Variants in ACTR1B observed in about 807,000 individuals in gnomAD.
ACTR1B encodes the protein beta-centractin.
ACTR1B carries 34 observed loss-of-function variants against 49.4 expected under a neutral mutation model. That is an observed-to-expected ratio of 0.69 (90% CI 0.52 to 0.92). The LOEUF is 0.92. Ranked by LOEUF, ACTR1B falls within the 40% of genes least tolerant of loss-of-function variation. ACTR1B has a pLI of 0.00. For synonymous variants in ACTR1B, 207 were observed against 207.8 expected (o/e 1.00, Z 0.03); for missense variants, 471 against 522.4 (o/e 0.90, Z 0.96).
At chr2:97,662,086 C>T in intron 1 of ACTR1B, 140 bp from the exon 2 acceptor site, 1 of 815,752 alleles carries the variant, frequency 1.2e-6, no homozygotes, top group Non-Finnish European at 2.0e-6. Context: ...TACAAGTACA[C>T]CTATGGTTCA....
In ACTR1B at chr2:97,658,595, C is replaced by T. The variant is rs1573181640; in HGVS notation, c.489G>A (p.Gly163=). Residue 163 remains glycine, a synonymous_variant, in exon 6 of 11, where the codon GGG becomes GGA. Transcript: ENST00000289228. This position sits in a 1 kb window ranked among gnomAD's most constrained non-coding sequence, Gnocchi z 5.9. The part of the protein sequence containing the change: ...TTGVVLDSGD[G]VTHAVPIYEG... ...CATAGATGGGCACAGCATGAGTGAC[C>T]CCGTCCCCTGAGTCTAGAACCACTC... 1 of 1,614,024 alleles carries T rather than the reference C, an allele frequency of 6.2e-7. No homozygotes were observed. Among genetic ancestry groups the T allele is most frequent in the South Asian group, 1.1e-5 (1 of 91,078 alleles).
rs186471014 is a variant in ACTR1B, at chr2:97,657,412, G to A, written c.987+36C>T. ...TCCTCCCCATGCCAAGGCTGCCAGCGCCCTAGTGCCCCAGGGGGAGTTTCT... is the reference window on the plus strand; with the variant it reads ...TCCTCCCCATGCCAAGGCTGCCAGCACCCTAGTGCCCCAGGGGGAGTTTCT... On this transcript the variant is annotated intron_variant, in intron 9 of 10. Transcript: ENST00000289228. 638 of 1,608,348 alleles carry A rather than the reference G, an allele frequency of 4.0e-4. 2 individuals are homozygous for A. The African/African-American group carries it at 7.5e-3, about 19-fold the overall frequency.
Position 97,659,209 on chromosome 2 carries a change from T to C in ACTR1B, c.315+143A>G. 1 of 1,396,026 alleles carries C rather than the reference T, an allele frequency of 7.2e-7. No individual in the cohort carries two copies. Among genetic ancestry groups the C allele is most frequent in the Non-Finnish European group, 9.8e-7 (1 of 1,016,708 alleles). The allele number at this position is 1,396,026 out of a possible 1,614,324, so 86.5% of individuals were successfully genotyped here. The stretch of plus-strand genomic sequence containing the variant: ...TTCTGCCTAGCAGCCACTGGGTACG[T>C]ATGCGCACCCAGACACACACGGAAA... On this transcript the variant is annotated intron_variant, in intron 4 of 10. Coordinates refer to ENST00000289228, the MANE Select transcript of ACTR1B (RefSeq NM_005735.4). The surrounding 1 kb of genome is among the most constrained non-coding windows in gnomAD (Gnocchi z 4.0).
In ACTR1B at chr2:97,656,470, T is replaced by A; in HGVS notation, c.*388A>T. 3.8e-6 allele frequency: 1 copy of A among 261,220 alleles called. No individual in the cohort carries two copies. The highest frequency in any genetic ancestry group is 7.6e-6 in the Non-Finnish European group (1 of 131,798). 16.2% of individuals were successfully genotyped at this position (261,220 alleles called of 1,614,324 possible). ...GCAGTGACACACCAGTGGGAGCTGC[T>A]GGCTGCCCCTTGCAGCCCACTCCCC... is the stretch of plus-strand genomic sequence containing the variant. On this transcript the variant is annotated 3_prime_UTR_variant, in exon 11 of 11. Transcript: ENST00000289228.
At position 97,658,845 on chromosome 2, in the gene ACTR1B, G is replaced by A; in HGVS notation, c.440+34C>T. The A allele has an allele frequency of 6.2e-7, 1 of 1,613,714 alleles. No individual in the cohort carries two copies. The highest frequency in any genetic ancestry group is 8.5e-7 in the Non-Finnish European group (1 of 1,179,900). On this transcript the variant is annotated intron_variant, in intron 5 of 10. Transcript: ENST00000289228. The surrounding 1 kb of genome is among the most constrained non-coding windows in gnomAD (Gnocchi z 5.9). Reference sequence around the variant, plus strand: ...CAAGCAGGACGGCACAGGGAGGACAGGACTCAGGGAGGCCAGGCTTAGGGA... The same window carrying A: ...CAAGCAGGACGGCACAGGGAGGACAAGACTCAGGGAGGCCAGGCTTAGGGA...
chr2:97,660,225 C>T (rs1005623925), intron 3 of ACTR1B, among the ~76,000 whole-genome samples: 1 of 152,252 alleles, frequency 6.6e-6, no homozygotes, highest in African/African-American at 2.4e-5. Flanking sequence ...GGCCATGCAG[C>T]CCCTTGGTGG....
Position 97,656,157 on chromosome 2 carries a change from C to G in ACTR1B, c.*701G>C, listed in dbSNP as rs1674830654. On this transcript the variant is annotated 3_prime_UTR_variant, in exon 11 of 11. Transcript: ENST00000289228. Reference sequence around the variant, plus strand: ...TCTGACTCCTTATTAAGTGGCTTCCCCTCAATAAATGATGAGCATCAACCC... The same window carrying G: ...TCTGACTCCTTATTAAGTGGCTTCCGCTCAATAAATGATGAGCATCAACCC... 6.6e-6 allele frequency: 1 copy of G among 152,282 alleles called. No homozygotes were observed. The highest frequency in any genetic ancestry group is 2.4e-5 in the African/African-American group (1 of 41,456). The allele number at this position is 152,282 out of a possible 1,614,324, so 9.4% of individuals were successfully genotyped here. A position where few individuals can be genotyped will look rare whatever the true frequency, so the allele number is the denominator to read the frequency against.
In ACTR1B at chr2:97,664,030, C is replaced by A. The variant is rs1675115072; in HGVS notation, c.-140G>T. 5.2e-6 allele frequency: 2 copies of A among 384,602 alleles called. No individual in the cohort carries two copies. Among genetic ancestry groups the A allele is most frequent in the East Asian group, 1.0e-4 (2 of 19,166 alleles). The allele number at this position is 384,602 out of a possible 1,614,324, so 23.8% of individuals were successfully genotyped here. A position where few individuals can be genotyped will look rare whatever the true frequency, so the allele number is the denominator to read the frequency against. On this transcript the variant is annotated 5_prime_UTR_variant, in exon 1 of 11. Transcript: ENST00000289228. ...CCCCGAGCCTGCAGCCTACGCGAGCCCCGCGGGGCTTTCTGGAGGGCGGGC... is the reference window on the plus strand; with the variant it reads ...CCCCGAGCCTGCAGCCTACGCGAGCACCGCGGGGCTTTCTGGAGGGCGGGC...
In ACTR1B at chr2:97,659,631, G is replaced by T; in HGVS notation, c.190-154C>A. 1 of 1,164,566 alleles carries T rather than the reference G, an allele frequency of 8.6e-7. No homozygotes were observed. The highest frequency in any genetic ancestry group is 1.2e-6 in the Non-Finnish European group (1 of 830,976). The allele number at this position is 1,164,566 out of a possible 1,614,324, so 72.1% of individuals were successfully genotyped here. On this transcript the variant is annotated intron_variant, in intron 3 of 10. Coordinates refer to ENST00000289228, the MANE Select transcript of ACTR1B (RefSeq NM_005735.4). The surrounding 1 kb of genome is among the most constrained non-coding windows in gnomAD (Gnocchi z 4.0). ...ACTGGGTGTCCCAGGGTCTGTGGCG[G>T]GTCCTGAACTCAGCATGGGCTCACC...
Position 97,656,779 on chromosome 2 carries a change from C to T in ACTR1B, c.*79G>A, listed in dbSNP as rs868478354. ...TGCAGGGGACCCTAAGCCTAGTATA[C>T]GAGCCAAGACCAAAAAGGGTTAAAG... On this transcript the variant is annotated 3_prime_UTR_variant, in exon 11 of 11. Coordinates refer to ENST00000289228, the MANE Select transcript of ACTR1B (RefSeq NM_005735.4). 7.2e-6 allele frequency: 9 copies of T among 1,250,712 alleles called. No homozygotes were observed. The East Asian group carries it at 7.6e-5, about 11-fold the overall frequency. The allele number at this position is 1,250,712 out of a possible 1,614,324, so 77.5% of individuals were successfully genotyped here. A position where few individuals can be genotyped will look rare whatever the true frequency, so the allele number is the denominator to read the frequency against.
chr2:97,658,836 G>A lies in ACTR1B; in HGVS notation c.440+43C>T. ...TGGTCATGGCAAGCAGGACGGCACAGGGAGGACAGGACTCAGGGAGGCCAG... is the reference window on the plus strand; with the variant it reads ...TGGTCATGGCAAGCAGGACGGCACAAGGAGGACAGGACTCAGGGAGGCCAG... On this transcript the variant is annotated intron_variant, in intron 5 of 10. Coordinates refer to ENST00000289228, the MANE Select transcript of ACTR1B (RefSeq NM_005735.4). The surrounding 1 kb of genome is among the most constrained non-coding windows in gnomAD (Gnocchi z 5.9). The A allele has an allele frequency of 6.2e-7, 1 of 1,613,394 alleles. No individual in the cohort carries two copies. The highest frequency in any genetic ancestry group is 1.1e-5 in the South Asian group (1 of 90,996).
intron 2 of ACTR1B, among the ~76,000 whole-genome samples, 180 bp from the exon 3 acceptor site, chr2:97,660,826 G>C (rs918700123): frequency 7.9e-5 from 12 of 152,218 alleles, no homozygotes; most frequent in African/African-American, 2.7e-4. Context: ...AGGGGGCCTA[G>C]GCAGGACGAG....
chr2:97,660,833 C>A (rs758820949), intron 2 of ACTR1B, among the ~76,000 whole-genome samples, 187 bp from the exon 3 acceptor site: 1 of 152,178 alleles, frequency 6.6e-6, no homozygotes, highest in Non-Finnish European at 1.5e-5. Context: ...CTAGGCAGGA[C>A]GAGAAGCTCA....
Position 97,656,879 on chromosome 2 carries a change from A to G in ACTR1B, c.1110T>C (p.Ala370=). Residue 370 remains alanine (A), a synonymous_variant, in exon 11 of 11, where the codon GCT becomes GCC. Coordinates refer to ENST00000289228, the MANE Select transcript of ACTR1B (RefSeq NM_005735.4). The part of the protein sequence containing the change: ...KKEYEEDGSR[A]IHRKTF ...GGCACTAGAAAGTTTTGCGATGAATAGCACGGGAGCCATCCTCTTCATACT... is the reference window on the plus strand; with the variant it reads ...GGCACTAGAAAGTTTTGCGATGAATGGCACGGGAGCCATCCTCTTCATACT... 1 of 1,588,064 alleles carries G rather than the reference A, an allele frequency of 6.3e-7. No individual in the cohort carries two copies. Among genetic ancestry groups the G allele is most frequent in the Non-Finnish European group, 8.6e-7 (1 of 1,166,860 alleles).
At chr2:97,663,196 T>C (rs186583725) in intron 1 of ACTR1B, among the ~76,000 whole-genome samples, 1 of 152,304 alleles carries the variant, frequency 6.6e-6, no homozygotes, top group East Asian at 1.9e-4. Context: ...TGATGACATC[T>C]TTCCTCTGAG....
In ACTR1B at chr2:97,658,957, C is replaced by A. The variant is rs556574923; in HGVS notation, c.362G>T (p.Arg121Leu). The A allele has an allele frequency of 6.8e-6, 11 of 1,614,026 alleles. No homozygotes were observed. The Admixed American group carries it at 1.3e-4, about 20-fold the overall frequency. Residue 121 changes from arginine to leucine, a missense_variant, in exon 5 of 11, where the codon CGG becomes CTG. Transcript: ENST00000289228. The surrounding 1 kb of genome is among the most constrained non-coding windows in gnomAD (Gnocchi z 5.9). Reference sequence around the variant, plus strand: ...AAAGAACACCTCTGCCGCCTTCTCCCGGTTCTTACTCGGGTTGAGCGGGGC... The same window carrying A: ...AAAGAACACCTCTGCCGCCTTCTCCAGGTTCTTACTCGGGTTGAGCGGGGC... The part of the protein sequence containing the change: ...TEAPLNPSKN[R>L]EKAAEVFFET...
intron 1 of ACTR1B, among the ~76,000 whole-genome samples, chr2:97,662,382 G>T (rs58738348): frequency 0.013 from 1,983 of 151,308 alleles, 48 homozygotes; most frequent in African/African-American, 0.044. Context: ...CCAAAAGCTA[G>T]AAGAAACCCC....
chr2:97,657,574 C>A (rs1674877745), intron 8 of ACTR1B, 65 bp from the exon 9 acceptor site: 4 of 1,544,822 alleles, frequency 2.6e-6, no homozygotes, highest in Non-Finnish European at 3.6e-6. Context: ...AGCTCCCGCA[C>A]CCAGCCTTCA....
Position 97,658,453 on chromosome 2 carries a change from A to G in ACTR1B, c.631T>C (p.Phe211Leu). 6.2e-7 allele frequency: 1 copy of G among 1,613,616 alleles called. No homozygotes were observed. Among genetic ancestry groups the G allele is most frequent in the Non-Finnish European group, 8.5e-7 (1 of 1,179,898 alleles). The change falls in exon 6 of 11, where the codon TTT (phenylalanine) becomes CTT (leucine). Residue 211 changes from phenylalanine to leucine, a missense_variant. Phe to Leu is a conservative substitution (Grantham distance 22). Transcript: ENST00000289228. The surrounding 1 kb of genome is among the most constrained non-coding windows in gnomAD (Gnocchi z 5.9). ...EGVDFHTSAE[F>L]EVVRTIKERA... ...TCTTTGATTGTCCGGACAACCTCAA[A>G]CTCAGCCGAGGTATGGAAGTCAACC...
Sources: gnomAD v4.1 joint callset for allele counts (sites outside exome capture counted in the v4.1 genomes callset) on GRCh38, gnomAD v4.1.1 for gene constraint, Gnocchi (gnomAD v3.1) non-coding constraint, MANE v1.5 for transcripts, NCBI Gene and HGNC (gene_info 2026-07-23, HGNC 2026-07-21) for gene names.